SAMTOR: variants seen among roughly 807,000 people sequenced by gnomAD.
SAMTOR encodes S-adenosylmethionine sensor upstream of mTORC1, also known as UPF0532 protein C7orf60.
At chr7:112,821,698 C>A in the SAMTOR span, 2 of 1,512,598 alleles carry the variant, frequency 1.3e-6, no homozygotes, top group Non-Finnish European at 1.8e-6. Flanking sequence ...TTGGTGTAAG[C>A]AATTAGTTTA....
At chr7:112,918,444 G>A in the SAMTOR span, among the ~76,000 whole-genome samples, 7 of 152,188 alleles carry the variant, frequency 4.6e-5, no homozygotes, top group African/African-American at 1.4e-4. Flanking sequence ...GCTCCTGAAG[G>A]AAGCACTAAA....
At chr7:112,930,082 C>T in the SAMTOR span, among the ~76,000 whole-genome samples, 1 of 152,058 alleles carries the variant, frequency 6.6e-6, no homozygotes, top group Admixed American at 6.6e-5. Context: ...AATACGGGCC[C>T]TAAGATGCCT....
At chr7:112,877,145 A>G in the SAMTOR span, among the ~76,000 whole-genome samples, 1 of 152,212 alleles carries the variant, frequency 6.6e-6, no homozygotes, top group Non-Finnish European at 1.5e-5. Flanking sequence ...CTATGTTAAC[A>G]GCACATGCTT....
At chr7:112,879,030 A>C in the SAMTOR span, among the ~76,000 whole-genome samples, 1 of 151,944 alleles carries the variant, frequency 6.6e-6, no homozygotes, top group Non-Finnish European at 1.5e-5. Flanking sequence ...ATAAATCTTA[A>C]AAGTTTCTGG....
chr7:112,821,088 G>T, the SAMTOR span: 1 of 152,420 alleles, frequency 6.6e-6, no homozygotes, highest in Non-Finnish European at 1.5e-5. Flanking sequence ...ATTGGATAGG[G>T]CTAATAAAAT....
the SAMTOR span, among the ~76,000 whole-genome samples, chr7:112,857,313 A>C: frequency 1.4e-5 from 2 of 144,772 alleles, no homozygotes; most frequent in South Asian, 4.4e-4. Context: ...GGATGGTCTC[A>C]ATCTCCTGAC....
chr7:112,935,208 A>T, the SAMTOR span: 1 of 442,270 alleles, frequency 2.3e-6, no homozygotes. Flanking sequence ...ATCTGTTCAA[A>T]GTTTCTTAAG....
chr7:112,871,743 CTAGT>C, the SAMTOR span, among the ~76,000 whole-genome samples: 3 of 152,204 alleles, frequency 2.0e-5, no homozygotes, highest in African/African-American at 4.8e-5. Flanking sequence ...TGACAGACCA[CTAGT>C]TAAACAAAGA....
At chr7:112,935,286 A>G in the SAMTOR span, 1 of 416,124 alleles carries the variant, frequency 2.4e-6, no homozygotes, top group South Asian at 1.8e-5. Flanking sequence ...AAATAAGAAA[A>G]GTTCAATTAA....
the SAMTOR span, among the ~76,000 whole-genome samples, chr7:112,905,393 C>T: frequency 6.6e-6 from 1 of 152,168 alleles, no homozygotes; most frequent in Admixed American, 6.5e-5. Context: ...TGTGAGACAA[C>T]CCCAAAAGTA....
chr7:112,898,313 C>A, the SAMTOR span, among the ~76,000 whole-genome samples: 1 of 152,222 alleles, frequency 6.6e-6, no homozygotes, highest in Non-Finnish European at 1.5e-5. Flanking sequence ...GGTACTACAA[C>A]CAAGTGTGAC....
At chr7:112,910,371 G>A in the SAMTOR span, among the ~76,000 whole-genome samples, 1 of 151,982 alleles carries the variant, frequency 6.6e-6, no homozygotes, top group Admixed American at 6.6e-5. Context: ...CATTTATAAA[G>A]GAAAATTCTT....
chr7:112,924,045 G>A, the SAMTOR span, among the ~76,000 whole-genome samples: 18 of 150,812 alleles, frequency 1.2e-4, 1 homozygote, highest in South Asian at 3.6e-3. Context: ...GTCTGTTGTG[G>A]GGTGGCGGGA....
At chr7:112,925,775 C>T in the SAMTOR span, among the ~76,000 whole-genome samples, 1 of 130,708 alleles carries the variant, frequency 7.7e-6, no homozygotes, top group South Asian at 2.4e-4. Context: ...ACCTGGGTGA[C>T]AAGAGCCAAG....
the SAMTOR span, among the ~76,000 whole-genome samples, chr7:112,919,566 A>G: frequency 3.9e-5 from 6 of 152,184 alleles, no homozygotes; most frequent in African/African-American, 1.4e-4. Flanking sequence ...AACACATTCA[A>G]AAGCTAGCAG....
At chr7:112,911,103 T>C in the SAMTOR span, among the ~76,000 whole-genome samples, 1 of 152,142 alleles carries the variant, frequency 6.6e-6, no homozygotes, top group South Asian at 2.1e-4. Context: ...GCAGAGCTTT[T>C]AACAACTGCT....
chr7:112,850,698 G>A, the SAMTOR span, among the ~76,000 whole-genome samples: 4 of 152,148 alleles, frequency 2.6e-5, no homozygotes, highest in Admixed American at 2.6e-4. Context: ...TGTAGTTTGT[G>A]CAAGACTCAA....
the SAMTOR span, among the ~76,000 whole-genome samples, chr7:112,871,417 T>C: frequency 6.6e-6 from 1 of 152,178 alleles, no homozygotes; most frequent in South Asian, 2.1e-4. Context: ...TGCTCCTGAA[T>C]GACTTTTGGG....
At chr7:112,929,638 C>T in the SAMTOR span, among the ~76,000 whole-genome samples, 3 of 151,976 alleles carry the variant, frequency 2.0e-5, no homozygotes, top group African/African-American at 7.2e-5. Flanking sequence ...ATCCTATAAT[C>T]ATTGCAGCAT....
Sources: allele counts gnomAD v4.1 joint callset (sites outside exome capture counted in the v4.1 genomes callset), GRCh38; gene constraint gnomAD v4.1.1; transcripts MANE v1.5; gene names NCBI Gene and HGNC (gene_info 2026-07-23, HGNC 2026-07-21).